The following PRKG1 variants were observed in gnomAD, a reference collection of about 807,000 sequenced individuals.
PRKG1 encodes cGMP-dependent protein kinase 1.
In PRKG1, 35 loss-of-function variants were observed where a neutral mutation model predicts 88.1. The ratio of observed to expected loss-of-function variants is 0.40; its 90% confidence interval spans 0.30 to 0.53. The LOEUF is 0.53. Among genes scored for constraint, PRKG1 ranks in the 20% least tolerant of loss-of-function variants. The pLI is 0.59. For synonymous variants in PRKG1, 303 were observed against 292.5 expected (o/e 1.04, Z -0.37); for missense variants, 540 against 839.8 (o/e 0.64, Z 4.41).
Position 51,513,437 on chromosome 10 carries a change from C to T in PRKG1, c.592+45601C>T, listed in dbSNP as rs112041447. Reference sequence around the variant, plus strand: ...CCACTGTCAACATTAGACAGATCAACGAGACAGAAAGTCAACAAGGATACC... The same window carrying T: ...CCACTGTCAACATTAGACAGATCAATGAGACAGAAAGTCAACAAGGATACC... On this transcript the variant is annotated intron_variant, in intron 3 of 17. Transcript: ENST00000373980. Among the ~76,000 whole-genome samples, 878 of 105,614 alleles carry T rather than the reference C, an allele frequency of 8.3e-3. 8 individuals are homozygous for T. Among genetic ancestry groups the T allele is most frequent in the African/African-American group, 0.027 (837 of 31,378 alleles). The allele number at this position is 105,614 out of a possible 152,430, so 69.3% of individuals were successfully genotyped here.
At chr10:51,949,401 C>G (rs1360217110) in intron 5 of PRKG1, among the ~76,000 whole-genome samples, 1 of 151,618 alleles carries the variant, frequency 6.6e-6, no homozygotes, top group Non-Finnish European at 1.5e-5. Context: ...TCACTTGAGA[C>G]CAGGAGTTCG....
intron 1 of PRKG1, among the ~76,000 whole-genome samples, chr10:51,127,278 A>G (rs934023338): frequency 1.4e-4 from 22 of 152,060 alleles, no homozygotes; most frequent in Non-Finnish European, 2.5e-4. Flanking sequence ...CAACAACAAC[A>G]ACATCAAAAA....
chr10:51,435,099 G>A (rs1386500187), intron 2 of PRKG1, among the ~76,000 whole-genome samples: 1 of 152,026 alleles, frequency 6.6e-6, no homozygotes, highest in Non-Finnish European at 1.5e-5. Flanking sequence ...GGCAGGAATT[G>A]TAGATACTTT....
chr10:51,885,163 A>T (rs1841537474), intron 4 of PRKG1, among the ~76,000 whole-genome samples: 1 of 152,174 alleles, frequency 6.6e-6, no homozygotes, highest in Admixed American at 6.5e-5. Flanking sequence ...AAGTCATTTA[A>T]TTTTCACAGT....
chr10:51,335,584 T>C (rs542831747), intron 2 of PRKG1, among the ~76,000 whole-genome samples: 3 of 152,204 alleles, frequency 2.0e-5, no homozygotes, highest in South Asian at 2.1e-4. Context: ...CAGGCTGGAG[T>C]GCAGTGGCAC....
chr10:51,409,900 G>C (rs1226310443), intron 2 of PRKG1, among the ~76,000 whole-genome samples: 1 of 148,804 alleles, frequency 6.7e-6, no homozygotes, highest in East Asian at 2.0e-4. Flanking sequence ...AAGATGTCAG[G>C]GCCTTGCTCT....
At chr10:51,939,707 G>A (rs896461416) in intron 5 of PRKG1, among the ~76,000 whole-genome samples, 2 of 151,548 alleles carry the variant, frequency 1.3e-5, no homozygotes, top group East Asian at 1.9e-4. Flanking sequence ...CCTTAAATAT[G>A]TTGAGTGGCC....
intron 3 of PRKG1, among the ~76,000 whole-genome samples, chr10:51,802,316 T>C (rs1256789194): frequency 6.6e-6 from 1 of 152,176 alleles, no homozygotes; most frequent in Admixed American, 6.5e-5. Context: ...TGCAATCTCA[T>C]CAAGCTATGT....
intron 5 of PRKG1, among the ~76,000 whole-genome samples, chr10:52,024,711 T>A: frequency 6.6e-6 from 1 of 152,218 alleles, no homozygotes; most frequent in East Asian, 1.9e-4. Context: ...TACCACATTT[T>A]CTTAGTCCAG....
chr10:51,898,277 T>C (rs1359398569), intron 4 of PRKG1, among the ~76,000 whole-genome samples: 1 of 152,194 alleles, frequency 6.6e-6, no homozygotes, highest in Non-Finnish European at 1.5e-5. Context: ...TGCTACCCTG[T>C]TCATCTTTAA....
intron 7 of PRKG1, among the ~76,000 whole-genome samples, chr10:52,119,348 C>T (rs577858693): frequency 9.9e-5 from 15 of 152,232 alleles, no homozygotes; most frequent in Non-Finnish European, 1.6e-4. Flanking sequence ...GAATCATTTT[C>T]TCAAGGTCAT....
chr10:51,243,765 A>G (rs1280106620), intron 2 of PRKG1, among the ~76,000 whole-genome samples: 1 of 152,202 alleles, frequency 6.6e-6, no homozygotes, highest in African/African-American at 2.4e-5. Context: ...GCACCTGGAA[A>G]TGCTAATTAA....
At chr10:51,042,264 CA>C (rs1267224761) in intron 1 of PRKG1, among the ~76,000 whole-genome samples, 1 of 152,148 alleles carries the variant, frequency 6.6e-6, no homozygotes, top group African/African-American at 2.4e-5. Flanking sequence ...TGCTTTCACG[CA>C]GTAAAAATAT....
intron 5 of PRKG1, among the ~76,000 whole-genome samples, chr10:52,028,141 C>A (rs1201987280): frequency 6.7e-6 from 1 of 148,158 alleles, no homozygotes; most frequent in African/African-American, 2.4e-5. Flanking sequence ...ATTTTTTTTT[C>A]AAGGGTTACT....
At chr10:51,336,569 T>G (rs1281968235) in intron 2 of PRKG1, among the ~76,000 whole-genome samples, 1 of 152,110 alleles carries the variant, frequency 6.6e-6, no homozygotes, top group African/African-American at 2.4e-5. Context: ...TCAAAATCCT[T>G]CTTAAAACAG....
At chr10:51,697,529 A>T (rs747587915) in intron 3 of PRKG1, 238 of 270,548 alleles carry the variant, frequency 8.8e-4, no homozygotes, top group Non-Finnish European at 1.1e-3. Flanking sequence ...ACCCTCAATT[A>T]AAAAAAAAAG....
rs533108754 is a variant in PRKG1 at position 52,004,549 on chromosome 10, AAT to A, written c.763-49932_763-49931del. Among the ~76,000 whole-genome samples the A allele has an allele frequency of 2.3e-3, 355 of 152,304 alleles. 3 individuals carry two copies. Among genetic ancestry groups the A allele is most frequent in the Admixed American group, 4.1e-3 (62 of 15,302 alleles). On this transcript the variant is annotated intron_variant, in intron 5 of 17. Coordinates refer to ENST00000373980, the MANE Select transcript of PRKG1 (RefSeq NM_006258.4). ...GATAATGTGTGAACAGCATCTAACGAATATGATTCTTATGTATGTTAGGGAGT... is the reference window on the plus strand; with the variant it reads ...GATAATGTGTGAACAGCATCTAACGAATGATTCTTATGTATGTTAGGGAGT...
intron 4 of PRKG1, among the ~76,000 whole-genome samples, chr10:51,886,325 T>TG (rs1262905479): frequency 1.3e-5 from 2 of 152,198 alleles, no homozygotes; most frequent in Non-Finnish European, 2.9e-5. Context: ...GCTGTAGTTT[T>TG]GGGTTTTTTT....
chr10:52,241,231 G>A (rs920082886), intron 9 of PRKG1, among the ~76,000 whole-genome samples: 5 of 152,094 alleles, frequency 3.3e-5, no homozygotes, highest in African/African-American at 4.8e-5. Flanking sequence ...TTATTTTCCC[G>A]AAGCAAGAGC....
Sources: allele counts gnomAD v4.1 joint callset (sites outside exome capture counted in the v4.1 genomes callset), GRCh38; gene constraint gnomAD v4.1.1; transcripts MANE v1.5; gene names NCBI Gene and HGNC (gene_info 2026-07-23, HGNC 2026-07-21).